The following SEMA3A variants were observed in gnomAD, a reference collection of about 807,000 sequenced individuals.
SEMA3A encodes the protein semaphorin 3A, also known as semaphorin-3A.
A neutral mutation model predicts 97.9 loss-of-function variants in SEMA3A; 29 were observed. The observed-to-expected ratio is 0.30, with a 90% CI of 0.22 to 0.40. SEMA3A has a LOEUF of 0.40. SEMA3A is among the 10% of genes least tolerant of loss of function. The pLI is 1.00. For synonymous variants in SEMA3A, 321 were observed against 323.7 expected (o/e 0.99, Z 0.09); for missense variants, 763 against 951.3 (o/e 0.80, Z 2.60).
intron 3 of SEMA3A, among the ~76,000 whole-genome samples, chr7:84,270,639 T>C (rs1323824849): frequency 6.8e-6 from 1 of 148,074 alleles, no homozygotes; most frequent in East Asian, 1.9e-4. Context: ...TCTATTCATA[T>C]ATATGCATCT....
chr7:84,073,863 TAAAA>T (rs57789538), intron 4 of SEMA3A, among the ~76,000 whole-genome samples: 4 of 101,682 alleles, frequency 3.9e-5, no homozygotes, highest in East Asian at 5.4e-4. Context: ...TAAAAAAAGC[TAAAA>T]AAAAAAAAAA....
At chr7:84,209,416 G>A (rs910372602) in intron 3 of SEMA3A, among the ~76,000 whole-genome samples, 3 of 152,054 alleles carry the variant, frequency 2.0e-5, no homozygotes, top group Non-Finnish European at 4.4e-5. Flanking sequence ...GTATGATGAG[G>A]GAAACCCAAC....
chr7:84,173,559 CAAA>C (rs34919422), intron 1 of SEMA3A, among the ~76,000 whole-genome samples: 33 of 80,672 alleles, frequency 4.1e-4, no homozygotes, highest in Middle Eastern at 9.3e-3. Flanking sequence ...AACTCTGTCT[CAAA>C]AAAAAAAAAA....
At chr7:84,049,413 C>A (rs1464532202) in intron 5 of SEMA3A, among the ~76,000 whole-genome samples, 1 of 152,024 alleles carries the variant, frequency 6.6e-6, no homozygotes, top group Non-Finnish European at 1.5e-5. Context: ...GGTATGACAT[C>A]TTTGTTGTTT....
intron 1 of SEMA3A, among the ~76,000 whole-genome samples, chr7:84,154,223 TA>T (rs1796764675): frequency 6.6e-6 from 1 of 152,120 alleles, no homozygotes; most frequent in African/African-American, 2.4e-5. Flanking sequence ...CCTTGATTAT[TA>T]AAAATACAAT....
chr7:84,053,809 A>G (rs934083626), intron 5 of SEMA3A, among the ~76,000 whole-genome samples: 1 of 129,380 alleles, frequency 7.7e-6, no homozygotes. Context: ...TCCTAGTCTC[A>G]ATGGTCTTTA....
chr7:84,126,720 T>G (rs1158773929), intron 3 of SEMA3A, among the ~76,000 whole-genome samples: 2 of 152,216 alleles, frequency 1.3e-5, no homozygotes, highest in Non-Finnish European at 2.9e-5. Context: ...TTTGTTCAAT[T>G]ATACTTTTAG....
chr7:84,485,075 T>A (rs2116442017), intron 1 of SEMA3A, among the ~76,000 whole-genome samples: 1 of 152,330 alleles, frequency 6.6e-6, no homozygotes, highest in Non-Finnish European at 1.5e-5. Flanking sequence ...TCTACCTTTA[T>A]TTGTTAATAT....
chr7:84,154,917 A>G (rs1562818811), intron 1 of SEMA3A, among the ~76,000 whole-genome samples: 1 of 151,990 alleles, frequency 6.6e-6, no homozygotes, highest in African/African-American at 2.4e-5. Flanking sequence ...ATATCAATAT[A>G]TTTTTGGTCA....
chr7:84,209,415 G>C (rs534111266), intron 3 of SEMA3A, among the ~76,000 whole-genome samples: 5 of 152,208 alleles, frequency 3.3e-5, no homozygotes, highest in Admixed American at 3.3e-4. Context: ...AGTATGATGA[G>C]GGAAACCCAA....
Position 84,129,314 on chromosome 7 carries a change from C to A in SEMA3A, c.271-129G>T, listed in dbSNP as rs1301954064. On this transcript the variant is annotated intron_variant, in intron 2 of 16. Coordinates refer to ENST00000265362, the MANE Select transcript of SEMA3A (RefSeq NM_006080.3). The stretch of plus-strand genomic sequence containing the variant: ...GTTCCATAAAGACTGTTTCAGGAAA[C>A]TTTCACTTTAGACCTTCCAGTGGCG... The A allele has an allele frequency of 1.3e-5, 10 of 754,978 alleles. No homozygotes were observed. The Admixed American group carries it at 1.6e-4, about 12-fold the overall frequency. 46.8% of individuals were successfully genotyped at this position (754,978 alleles called of 1,614,324 possible).
chr7:84,315,881 G>A (rs1801482090), intron 2 of SEMA3A, among the ~76,000 whole-genome samples: 1 of 151,536 alleles, frequency 6.6e-6, no homozygotes, highest in African/African-American at 2.4e-5. Context: ...TACAATTGTA[G>A]GGATTACTCT....
At chr7:84,359,553 G>A (rs1380576793) in intron 2 of SEMA3A, among the ~76,000 whole-genome samples, 1 of 152,004 alleles carries the variant, frequency 6.6e-6, no homozygotes, top group African/African-American at 2.4e-5. Context: ...GTATTTTATT[G>A]AGGATTTCTG....
intron 1 of SEMA3A, among the ~76,000 whole-genome samples, chr7:84,477,797 T>C (rs979566678): frequency 6.6e-6 from 1 of 152,208 alleles, no homozygotes; most frequent in Non-Finnish European, 1.5e-5. Flanking sequence ...GTAAAAATGT[T>C]CAGTGAATGA....
At chr7:84,036,013 C>T (rs138730535) in intron 6 of SEMA3A, among the ~76,000 whole-genome samples, 99 of 152,114 alleles carry the variant, frequency 6.5e-4, no homozygotes, top group Non-Finnish European at 1.0e-4. Context: ...TCTACACACG[C>T]TTTCTAAGAG....
At chr7:84,200,640 G>A (rs1798332160) in intron 3 of SEMA3A, among the ~76,000 whole-genome samples, 1 of 151,962 alleles carries the variant, frequency 6.6e-6, no homozygotes, top group Admixed American at 6.6e-5. Flanking sequence ...ATTTCAGAAT[G>A]TTTCAAAGTG....
At chr7:84,263,054 T>C (rs1048101300) in intron 3 of SEMA3A, among the ~76,000 whole-genome samples, 3 of 152,238 alleles carry the variant, frequency 2.0e-5, no homozygotes, top group African/African-American at 7.2e-5. Context: ...TGTGACATAA[T>C]TTTAAAAATA....
At chr7:84,062,614 A>G (rs539792926) in intron 4 of SEMA3A, among the ~76,000 whole-genome samples, 144 of 152,334 alleles carry the variant, frequency 9.5e-4, no homozygotes, top group South Asian at 3.1e-3. Flanking sequence ...TGGGAAGCGC[A>G]AGGGGTCAGG....
intron 4 of SEMA3A, among the ~76,000 whole-genome samples, chr7:84,105,255 T>A (rs1279217634): frequency 2.6e-5 from 4 of 152,136 alleles, no homozygotes; most frequent in African/African-American, 9.7e-5. Flanking sequence ...TTGAAAGAAG[T>A]AACTCAACTA....
Sources: gnomAD v4.1 joint callset for allele counts (sites outside exome capture counted in the v4.1 genomes callset) on GRCh38, gnomAD v4.1.1 for gene constraint, MANE v1.5 for transcripts, NCBI Gene and HGNC (gene_info 2026-07-23, HGNC 2026-07-21) for gene names.